N4BP1: variants seen among roughly 807,000 people sequenced by gnomAD.
N4BP1 encodes NEDD4 binding protein 1, also known as NEDD4-binding protein 1.
A neutral mutation model predicts 70.9 loss-of-function variants in N4BP1; 21 were observed. The observed-to-expected ratio is 0.30, with a 90% CI of 0.21 to 0.43. N4BP1 has a LOEUF of 0.43. Ranked by LOEUF, N4BP1 falls within the 20% of genes least tolerant of loss-of-function variation. The pLI is 1.00. For missense variants in N4BP1, 936 were observed against 1,069.4 expected (o/e 0.88, Z 1.74); for synonymous variants, 387 against 394.6 (o/e 0.98, Z 0.23).
chr16:48,562,526 T>A (rs1304269371), intron 1 of N4BP1, 82 bp from the exon 2 acceptor site: 1 of 1,109,274 alleles, frequency 9.0e-7, no homozygotes, highest in Non-Finnish European at 1.2e-6. Flanking sequence ...ACTACAAATG[T>A]CAGGCCGATT....
chr16:48,560,520 C>T (rs1963838344), intron 2 of N4BP1: 1 of 463,576 alleles, frequency 2.2e-6, no homozygotes, highest in Non-Finnish European at 3.8e-6. Flanking sequence ...AATTTTCTAT[C>T]CTCTCTTGCC....
At position 48,541,323 on chromosome 16, in the gene N4BP1, T is replaced by C. The variant is rs1963496640; in HGVS notation, c.*1581A>G. ...AGTCGCCCTCCTGGCTGGCCTCGTC[T>C]TCTACCTCTGCTTCCACAGCTGGGT... is the stretch of plus-strand genomic sequence containing the variant. On this transcript the variant is annotated 3_prime_UTR_variant, in exon 7 of 7. Coordinates refer to ENST00000262384, the MANE Select transcript of N4BP1 (RefSeq NM_153029.4). 6.6e-6 allele frequency: 1 copy of C among 152,366 alleles called. No individual in the cohort carries two copies. Among genetic ancestry groups the C allele is most frequent in the Non-Finnish European group, 1.5e-5 (1 of 68,126 alleles). The allele number at this position is 152,366 out of a possible 1,614,324, so 9.4% of individuals were successfully genotyped here.
At chr16:48,568,086 A>G (rs779757833) in intron 1 of N4BP1, among the ~76,000 whole-genome samples, 85 of 152,152 alleles carry the variant, frequency 5.6e-4, no homozygotes, top group Non-Finnish European at 1.1e-3. Flanking sequence ...AGAAGCCCCA[A>G]TAAAGTCTCT....
intron 5 of N4BP1, among the ~76,000 whole-genome samples, chr16:48,546,852 G>C (rs778649422): frequency 8.5e-5 from 13 of 152,188 alleles, no homozygotes; most frequent in Non-Finnish European, 1.5e-4. Flanking sequence ...AGCTTGGCTG[G>C]AGAACACCAG....
At chr16:48,587,147 G>A (rs1763445258) in intron 1 of N4BP1, 1 of 152,202 alleles carries the variant, frequency 6.6e-6, no homozygotes, top group South Asian at 2.1e-4. Flanking sequence ...AGCATAGAAA[G>A]TGGGTCTACA....
chr16:48,604,836 A>G (rs904770152), intron 1 of N4BP1, among the ~76,000 whole-genome samples: 3 of 152,190 alleles, frequency 2.0e-5, no homozygotes, highest in Non-Finnish European at 2.9e-5. Flanking sequence ...CTCTTAGATA[A>G]TAAGACTGGA....
At chr16:48,604,578 CAAACAAAAAA>C (rs1424016055) in intron 1 of N4BP1, among the ~76,000 whole-genome samples, 3 of 121,774 alleles carry the variant, frequency 2.5e-5, no homozygotes, top group East Asian at 2.1e-4. Context: ...ACAAAACAAA[CAAACAAAAAA>C]AAACAAAAAA....
chr16:48,590,919 C>T lies in N4BP1; in HGVS notation c.198+18856G>A, dbSNP rs1232780716. Among the ~76,000 whole-genome samples, 3 of 152,094 alleles carry T rather than the reference C, an allele frequency of 2.0e-5. No homozygotes were observed. In the East Asian group the frequency reaches 5.8e-4, roughly 29 times the overall value. ...TTAGTTAGGAAGACTTCTCCTCAAT[C>T]CAGAAGATTTAGGGGAGATTTCTCA... On this transcript the variant is annotated intron_variant, in intron 1 of 6. Transcript: ENST00000262384.
At chr16:48,560,112 C>A (rs201618917) in intron 2 of N4BP1, among the ~76,000 whole-genome samples, 13 of 147,704 alleles carry the variant, frequency 8.8e-5, no homozygotes, top group Middle Eastern at 7.0e-3. Flanking sequence ...AGAAAAAAAA[C>A]CCAAGCGTAC....
At chr16:48,596,853 C>T (rs1408963851) in intron 1 of N4BP1, among the ~76,000 whole-genome samples, 1 of 152,140 alleles carries the variant, frequency 6.6e-6, no homozygotes, top group Non-Finnish European at 1.5e-5. Flanking sequence ...GCTTTTGGCT[C>T]CAAGAGTTTG....
chr16:48,572,981 G>C (rs1964040629), intron 1 of N4BP1, among the ~76,000 whole-genome samples: 1 of 151,700 alleles, frequency 6.6e-6, no homozygotes, highest in Non-Finnish European at 1.5e-5. Context: ...GCATGGTGGT[G>C]CATGTCTGTA....
chr16:48,556,450 T>C (rs1963756243), intron 2 of N4BP1, among the ~76,000 whole-genome samples: 1 of 152,182 alleles, frequency 6.6e-6, no homozygotes, highest in South Asian at 2.1e-4. Flanking sequence ...CAAAGGTCTA[T>C]TTCGACCCAA....
At chr16:48,599,470 G>A (rs1436854169) in intron 1 of N4BP1, among the ~76,000 whole-genome samples, 1 of 152,096 alleles carries the variant, frequency 6.6e-6, no homozygotes, top group Non-Finnish European at 1.5e-5. Context: ...TTCTCACAAG[G>A]ACATTCACCA....
At chr16:48,556,904 C>A (rs931986275) in intron 2 of N4BP1, among the ~76,000 whole-genome samples, 1 of 152,170 alleles carries the variant, frequency 6.6e-6, no homozygotes, top group African/African-American at 2.4e-5. Context: ...AAACTATCAC[C>A]CCATATGTCA....
At chr16:48,604,404 C>A (rs1429396405) in intron 1 of N4BP1, among the ~76,000 whole-genome samples, 1 of 151,794 alleles carries the variant, frequency 6.6e-6, no homozygotes, top group Non-Finnish European at 1.5e-5. Flanking sequence ...TACAAAAATA[C>A]ACCATGGGCA....
rs1430152026 is a variant in N4BP1 at position 48,541,802 on chromosome 16, C to CA, written c.*1101dup. 1.3e-5 allele frequency: 2 copies of CA among 152,630 alleles called. No homozygotes were observed. Among genetic ancestry groups the CA allele is most frequent in the African/African-American group, 4.8e-5 (2 of 41,442 alleles). 9.5% of individuals were successfully genotyped at this position (152,630 alleles called of 1,614,324 possible). A position where few individuals can be genotyped will look rare whatever the true frequency, so the allele number is the denominator to read the frequency against. ...AGATATCAATTCTGAGAAAGACTCA[C>CA]AGGAAAGGCTGTTTAGGAGGACACT... On this transcript the variant is annotated 3_prime_UTR_variant, in exon 7 of 7. Coordinates refer to ENST00000262384, the MANE Select transcript of N4BP1 (RefSeq NM_153029.4).
At chr16:48,576,817 G>A (rs1315803408) in intron 1 of N4BP1, among the ~76,000 whole-genome samples, 8 of 152,066 alleles carry the variant, frequency 5.3e-5, no homozygotes, top group Non-Finnish European at 1.0e-4. Context: ...CTACAAACAC[G>A]CTTGGATTTC....
rs1358684026 is a variant in N4BP1, at chr16:48,609,913, C to T, written c.60G>A (p.Leu20=). 3 of 1,454,198 alleles carry T rather than the reference C, an allele frequency of 2.1e-6. No homozygotes were observed. The highest frequency in any genetic ancestry group is 2.3e-5 in the Admixed American group (1 of 43,676). The allele number at this position is 1,454,198 out of a possible 1,614,324, so 90.1% of individuals were successfully genotyped here. ...CCTCGATACGGCCGCGGCTCTGCTC[C>T]AGCAGCTCCGCCTTCTCAGCTGGCG... The part of the protein sequence containing the change: ...FTAPAEKAEL[L]EQSRGRIEGL... Residue 20 remains leucine (L), a synonymous_variant, in exon 1 of 7, where the codon CTG becomes CTA. Transcript: ENST00000262384.
rs144195793 is a variant in N4BP1 at position 48,548,086 on chromosome 16, C to T, written c.2146G>A (p.Gly716Ser). The T allele has an allele frequency of 2.2e-5, 35 of 1,612,750 alleles. No individual in the cohort carries two copies. The African/African-American group carries it at 4.4e-4, about 20-fold the overall frequency. ...TTATCATTTGTCACAATTATGCCAC[C>T]AGTTTTGTCCGCTAAGTGTAGTAGA... is the stretch of plus-strand genomic sequence containing the variant. Reference protein sequence around the residue: ...RFLLHLADKTGGIIVTNDNFR... With the variant: ...RFLLHLADKTSGIIVTNDNFR... Residue 716 changes from glycine (G) to serine (S), a missense_variant, in exon 5 of 7, where the codon GGT becomes AGT. Gly to Ser is a moderately conservative substitution (Grantham distance 56). Coordinates refer to ENST00000262384, the MANE Select transcript of N4BP1 (RefSeq NM_153029.4).
Sources: gnomAD v4.1 joint callset for allele counts (sites outside exome capture counted in the v4.1 genomes callset) on GRCh38, gnomAD v4.1.1 for gene constraint, MANE v1.5 for transcripts, NCBI Gene and HGNC (gene_info 2026-07-23, HGNC 2026-07-21) for gene names.